CASK: variants seen among roughly 807,000 people sequenced by gnomAD.
The protein encoded by CASK is peripheral plasma membrane protein CASK.
In CASK, 4 loss-of-function variants were observed where a neutral mutation model predicts 82.9. That is an observed-to-expected ratio of 0.05 (90% CI 0.02 to 0.11). CASK has a LOEUF of 0.11. Among genes scored for constraint, CASK ranks in the 10% least tolerant of loss-of-function variants. CASK has a pLI of 1.00. For synonymous variants in CASK, 259 were observed against 253.5 expected, an observed-to-expected ratio of 1.02 and a Z score of -0.20; for missense variants, 358 against 720.9, an observed-to-expected ratio of 0.50 and a Z score of 5.76.
intron 5 of CASK, among the ~76,000 whole-genome samples, chrX:41,690,504 G>A (rs1268081506): frequency 1.9e-5 from 2 of 105,822 alleles, no homozygotes; most frequent in Non-Finnish European, 3.9e-5. Flanking sequence ...GTGCCACCAC[G>A]CCCTGCTAAT....
chrX:41,613,076 C>G, intron 11 of CASK, among the ~76,000 whole-genome samples: 1 of 110,650 alleles, frequency 9.0e-6, no homozygotes, highest in East Asian at 2.9e-4. Flanking sequence ...GCCCGGCCGC[C>G]CCTACTGGGA....
chrX:41,872,317 A>G (rs895543033), intron 1 of CASK, among the ~76,000 whole-genome samples: 1 of 111,816 alleles, frequency 8.9e-6, no homozygotes, highest in Non-Finnish European at 1.9e-5. Flanking sequence ...TATGTTTCCT[A>G]CCTCTTCAAT....
chrX:41,685,511 C>A (rs1399606258), intron 5 of CASK, among the ~76,000 whole-genome samples: 1 of 111,622 alleles, frequency 9.0e-6, no homozygotes, highest in African/African-American at 3.3e-5. Context: ...GAGACAGGGT[C>A]TCACTGTCAC....
intron 2 of CASK, among the ~76,000 whole-genome samples, chrX:41,809,698 G>C (rs944558819): frequency 5.3e-5 from 6 of 112,172 alleles, no homozygotes; most frequent in Non-Finnish European, 1.1e-4. Context: ...CCCTCCAAAG[G>C]AACGCAGCTC....
chrX:41,517,300 AT>A lies in CASK; in HGVS notation c.*3119del, dbSNP rs2064565312. On this transcript the variant is annotated 3_prime_UTR_variant, in exon 27 of 27. Coordinates refer to ENST00000378163, the MANE Select transcript of CASK (RefSeq NM_001367721.1). ...GCAAATAGCAAGAAGTAGGTCAACC[AT>A]TTGTTTTCCTCTCTGAGCAAAGATT... is the stretch of plus-strand genomic sequence containing the variant. 8.5e-6 allele frequency: 1 copy of A among 118,241 alleles called. No homozygotes were observed. Among genetic ancestry groups the A allele is most frequent in the Non-Finnish European group, 1.8e-5 (1 of 56,825 alleles). 9.7% of individuals were successfully genotyped at this position (118,241 alleles called of 1,213,427 possible).
intron 5 of CASK, chrX:41,696,808 T>G (rs1355153697): frequency 8.4e-6 from 8 of 947,415 alleles, no homozygotes; most frequent in Non-Finnish European, 1.1e-5. Context: ...AATTATATAA[T>G]GCAGCCTCTT....
intron 5 of CASK, among the ~76,000 whole-genome samples, chrX:41,693,231 CT>C (rs2067610499): frequency 9.0e-6 from 1 of 111,419 alleles, no homozygotes; most frequent in South Asian, 3.8e-4. Context: ...TACAGACACC[CT>C]TTTCCTTTTC....
At chrX:41,551,694 C>T (rs1350848330) in intron 21 of CASK, among the ~76,000 whole-genome samples, 11 of 108,258 alleles carry the variant, frequency 1.0e-4, no homozygotes, top group Non-Finnish European at 1.9e-4. Flanking sequence ...CAGGAGTTCA[C>T]GACCAGCCTG....
chrX:41,798,862 T>A (rs2069928418), intron 2 of CASK, among the ~76,000 whole-genome samples: 1 of 111,748 alleles, frequency 8.9e-6, no homozygotes. Flanking sequence ...ACTAACAAGC[T>A]GCAAAGCAAA....
At chrX:41,578,116 G>A (rs769313857) in intron 15 of CASK, among the ~76,000 whole-genome samples, 73 of 111,386 alleles carry the variant, frequency 6.6e-4, no homozygotes, top group African/African-American at 2.3e-3. Flanking sequence ...GGGCAATTGT[G>A]AAAGGAGAGG....
intron 1 of CASK, among the ~76,000 whole-genome samples, chrX:41,863,858 ATGGAAGTC>A (rs1222158062): frequency 1.8e-5 from 2 of 112,206 alleles, no homozygotes; most frequent in African/African-American, 6.5e-5. Flanking sequence ...ACTAATAATT[ATGGAAGTC>A]TGGAAGTCTG....
At chrX:41,626,057 G>A (rs2066369739) in intron 10 of CASK, among the ~76,000 whole-genome samples, 1 of 106,001 alleles carries the variant, frequency 9.4e-6, no homozygotes, top group Non-Finnish European at 1.9e-5. Context: ...GCCTGCCTTG[G>A]CCTCCCAAAG....
Position 41,849,306 on chromosome X carries a change from G to A in CASK, c.172+3809C>T, listed in dbSNP as rs190211035. Among the ~76,000 whole-genome samples the A allele has an allele frequency of 4.5e-5, 5 of 111,219 alleles. No individual in the cohort carries two copies. The East Asian group carries it at 1.4e-3, about 31-fold the overall frequency. On this transcript the variant is annotated intron_variant, in intron 2 of 26. Coordinates refer to ENST00000378163, the MANE Select transcript of CASK (RefSeq NM_001367721.1). ...ATTATAATTTGTCTGAATTAATTTT[G>A]ATATCTATTTTTAAGACAAAAACTC... is the stretch of plus-strand genomic sequence containing the variant.
chrX:41,709,618 T>C (rs774131015), intron 5 of CASK, among the ~76,000 whole-genome samples: 16 of 111,440 alleles, frequency 1.4e-4, no homozygotes, highest in Non-Finnish European at 3.0e-4. Context: ...ATCTAGAAAG[T>C]GACAGTAATA....
intron 21 of CASK, among the ~76,000 whole-genome samples, chrX:41,551,867 G>A (rs951089910): frequency 5.0e-4 from 42 of 84,697 alleles, no homozygotes; most frequent in African/African-American, 1.7e-3. Flanking sequence ...GCCACAGGGC[G>A]AGACTCCGTC....
At chrX:41,753,042 G>A (rs2068824006) in intron 3 of CASK, among the ~76,000 whole-genome samples, 1 of 111,717 alleles carries the variant, frequency 9.0e-6, no homozygotes, top group East Asian at 2.8e-4. Flanking sequence ...ATAAATTGTG[G>A]TAACTAGAGT....
intron 3 of CASK, among the ~76,000 whole-genome samples, chrX:41,779,517 T>C (rs912963954): frequency 1.8e-5 from 2 of 112,118 alleles, no homozygotes; most frequent in Non-Finnish European, 3.8e-5. Context: ...TGGGGATCCC[T>C]GACACACAGT....
At chrX:41,908,055 T>A (rs191114487) in intron 1 of CASK, among the ~76,000 whole-genome samples, 35 of 111,455 alleles carry the variant, frequency 3.1e-4, no homozygotes, top group Non-Finnish European at 6.4e-4. Context: ...TAACAGGTCA[T>A]GAACCGGTAC....
chrX:41,906,864 A>C (rs1047296184), intron 1 of CASK, among the ~76,000 whole-genome samples: 4 of 112,730 alleles, frequency 3.5e-5, no homozygotes, highest in African/African-American at 1.3e-4. Flanking sequence ...TATAAATAAC[A>C]ATTTAGTTTT....
Sources: allele counts gnomAD v4.1 joint callset (sites outside exome capture counted in the v4.1 genomes callset), GRCh38; gene constraint gnomAD v4.1.1; transcripts MANE v1.5; gene names NCBI Gene and HGNC (gene_info 2026-07-23, HGNC 2026-07-21).